Variants in GTF2IRD1 observed in about 807,000 individuals in gnomAD.
GTF2IRD1 encodes general transcription factor II-I repeat domain-containing protein 1.
GTF2IRD1 carries 26 observed loss-of-function variants against 113.2 expected under a neutral mutation model. The observed-to-expected ratio is 0.23, with a 90% CI of 0.17 to 0.32. The LOEUF (loss-of-function observed/expected upper bound fraction) is 0.32. Among genes scored for constraint, GTF2IRD1 ranks in the 10% least tolerant of loss-of-function variants. The pLI, the probability that GTF2IRD1 is intolerant of heterozygous loss-of-function variation, is 1.00. For synonymous variants in GTF2IRD1, 484 were observed against 529.1 expected (o/e 0.91, Z 1.17); for missense variants, 864 against 1,280.8 (o/e 0.67, Z 4.97).
intron 1 of GTF2IRD1, among the ~76,000 whole-genome samples, chr7:74,463,473 G>A (rs1472540414): frequency 3.3e-5 from 5 of 151,656 alleles, no homozygotes; most frequent in African/African-American, 1.2e-4. Flanking sequence ...GTGTTCAAGT[G>A]ATCCCACAAC....
intron 20 of GTF2IRD1, among the ~76,000 whole-genome samples, chr7:74,558,325 G>A (rs1243330581): frequency 5.8e-5 from 8 of 137,462 alleles, no homozygotes; most frequent in Admixed American, 5.2e-4. Context: ...GGAGCATATT[G>A]GTGTGGCTTT....
chr7:74,460,948 C>A (rs1003513805), intron 1 of GTF2IRD1, among the ~76,000 whole-genome samples: 7 of 152,122 alleles, frequency 4.6e-5, no homozygotes, highest in Non-Finnish European at 2.9e-5. Context: ...GTTCCCAGCA[C>A]CTGAGCTGCA....
chr7:74,468,643 G>A (rs1450694543), intron 1 of GTF2IRD1, among the ~76,000 whole-genome samples: 2 of 144,744 alleles, frequency 1.4e-5, no homozygotes, highest in South Asian at 2.2e-4. Flanking sequence ...TGGCGACAGA[G>A]CAGCGAGACT....
intron 9 of GTF2IRD1, among the ~76,000 whole-genome samples, chr7:74,531,075 T>TA (rs1234910890): frequency 1.7e-4 from 26 of 150,954 alleles, no homozygotes; most frequent in Non-Finnish European, 3.5e-4. Context: ...TCTCAAAAAA[T>TA]AAAAAATAGG....
chr7:74,515,366 C>T (rs1554344337), intron 3 of GTF2IRD1, 75 bp from the exon 4 acceptor site: 1 of 1,542,564 alleles, frequency 6.5e-7, no homozygotes, highest in Non-Finnish European at 8.7e-7. Context: ...CAGCACAGGG[C>T]AGCGACATCC....
intron 9 of GTF2IRD1, among the ~76,000 whole-genome samples, chr7:74,532,696 G>C (rs1050026869): frequency 6.6e-6 from 1 of 152,186 alleles, no homozygotes; most frequent in African/African-American, 2.4e-5. Context: ...ATCCAGATGT[G>C]TGGGGGCCTT....
At chr7:74,454,546 G>A (rs1792834350) in intron 1 of GTF2IRD1, among the ~76,000 whole-genome samples, 1 of 151,750 alleles carries the variant, frequency 6.6e-6, no homozygotes, top group African/African-American at 2.4e-5. Context: ...CGGGCGCCGG[G>A]GTGGGAGCAG....
chr7:74,541,960 G>A (rs1798661269), intron 14 of GTF2IRD1, among the ~76,000 whole-genome samples: 2 of 148,310 alleles, frequency 1.3e-5, no homozygotes, highest in Admixed American at 1.3e-4. Context: ...GACAGGAACG[G>A]TAGGACCTAT....
chr7:74,550,968 A>C (rs587699527), intron 17 of GTF2IRD1, among the ~76,000 whole-genome samples: 27 of 152,018 alleles, frequency 1.8e-4, no homozygotes, highest in Admixed American at 1.6e-3. Context: ...TTAAGCACAG[A>C]GGGTCCAGGC....
intron 7 of GTF2IRD1, among the ~76,000 whole-genome samples, chr7:74,522,169 A>G (rs1797336604): frequency 6.6e-6 from 1 of 152,108 alleles, no homozygotes; most frequent in Non-Finnish European, 1.5e-5. Flanking sequence ...TATCTGTTAG[A>G]AGCCAGAAAC....
intron 1 of GTF2IRD1, among the ~76,000 whole-genome samples, chr7:74,492,430 A>G (rs978020850): frequency 3.3e-5 from 5 of 151,732 alleles, no homozygotes; most frequent in Admixed American, 6.6e-5. Flanking sequence ...TTGGCCTCCA[A>G]AAGTGCTGGG....
At chr7:74,498,108 G>A (rs927758982) in intron 1 of GTF2IRD1, among the ~76,000 whole-genome samples, 2 of 152,000 alleles carry the variant, frequency 1.3e-5, no homozygotes, top group Non-Finnish European at 2.9e-5. Flanking sequence ...TCTGTTTTAT[G>A]GCCATTTGTA....
intron 22 of GTF2IRD1, among the ~76,000 whole-genome samples, chr7:74,569,795 C>A (rs587749222): frequency 2.6e-5 from 4 of 151,988 alleles, no homozygotes; most frequent in African/African-American, 7.3e-5. Flanking sequence ...CGGAAGGTTC[C>A]GGAAGGGTGA....
chr7:74,484,891 T>C (rs1794937764), intron 1 of GTF2IRD1, among the ~76,000 whole-genome samples: 8 of 152,228 alleles, frequency 5.3e-5, no homozygotes, highest in Admixed American at 2.0e-4. Context: ...AACATGGCTG[T>C]ACAGATGTGT....
At chr7:74,586,939 A>T (rs1801748504) in intron 22 of GTF2IRD1, among the ~76,000 whole-genome samples, 1 of 151,974 alleles carries the variant, frequency 6.6e-6, no homozygotes, top group Admixed American at 6.6e-5. Context: ...TGAGCTTAGG[A>T]GTTCGAGAAC....
intron 7 of GTF2IRD1, among the ~76,000 whole-genome samples, chr7:74,523,455 C>T (rs1436153679): frequency 6.6e-6 from 1 of 152,138 alleles, no homozygotes; most frequent in African/African-American, 2.4e-5. Flanking sequence ...CTTGGTGGCT[C>T]ACACCTGTAA....
At chr7:74,505,504 G>C (rs1007545703) in intron 1 of GTF2IRD1, among the ~76,000 whole-genome samples, 1 of 152,192 alleles carries the variant, frequency 6.6e-6, no homozygotes, top group Non-Finnish European at 1.5e-5. Context: ...TTCCCTCTCT[G>C]TGTCCCTCCC....
chr7:74,557,599 A>C lies in GTF2IRD1; in HGVS notation c.2024-40A>C. On this transcript the variant is annotated intron_variant, in intron 19 of 26. Coordinates refer to ENST00000424337, the MANE Select transcript of GTF2IRD1 (RefSeq NM_005685.4). ...CTTAAAAGTCACCAAGTGCTTTTTC[A>C]CTCAACAGCCCAAACCCATAATCGT... 2.1e-6 allele frequency: 3 copies of C among 1,422,184 alleles called. No individual in the cohort carries two copies. The South Asian group carries it at 3.6e-5, about 17-fold the overall frequency. The allele number at this position is 1,422,184 out of a possible 1,614,324, so 88.1% of individuals were successfully genotyped here.
intron 16 of GTF2IRD1, among the ~76,000 whole-genome samples, chr7:74,546,845 G>A (rs1470232663): frequency 6.6e-6 from 1 of 152,206 alleles, no homozygotes; most frequent in Non-Finnish European, 1.5e-5. Context: ...CGTGGGCCTT[G>A]GGGTAACCCT....
Sources: allele counts gnomAD v4.1 joint callset (sites outside exome capture counted in the v4.1 genomes callset), GRCh38; gene constraint gnomAD v4.1.1; transcripts MANE v1.5; gene names NCBI Gene and HGNC (gene_info 2026-07-23, HGNC 2026-07-21).